CHAF1A: variants seen among roughly 807,000 people sequenced by gnomAD.
CHAF1A encodes chromatin assembly factor 1 subunit A.
In CHAF1A, 5 loss-of-function variants were observed where a neutral mutation model predicts 93.2. The ratio of observed to expected loss-of-function variants is 0.05; its 90% CI spans 0.03 to 0.11. The LOEUF is 0.11. Ranked by LOEUF, CHAF1A falls within the 10% of genes least tolerant of loss-of-function variation. The probability of loss-of-function intolerance (pLI) is 1.00; values close to 1 mark genes in which losing one functional copy is unlikely to be tolerated. For missense variants in CHAF1A, 1,102 were observed against 1,259.9 expected (o/e 0.87, Z 1.90); for synonymous variants, 504 against 510.3 (o/e 0.99, Z 0.17).
chr19:4,402,898 C>A, intron 1 of CHAF1A, 84 bp downstream of exon 1: 1 of 843,484 alleles, frequency 1.2e-6, no homozygotes, highest in Non-Finnish European at 1.6e-6. Flanking sequence ...GGCGGACGGG[C>A]CTCCGGGCGC....
rs1047985544 is a variant in CHAF1A at position 4,429,439 on chromosome 19, G to T, written c.1606G>T (p.Asp536Tyr). The T allele has an allele frequency of 1.9e-6, 3 of 1,613,536 alleles. No homozygotes were observed. Among genetic ancestry groups the T allele is most frequent in the Non-Finnish European group, 2.5e-6 (3 of 1,179,852 alleles). The change falls in exon 9 of 15, where the codon GAT becomes TAT. Residue 536 changes from aspartate to tyrosine, a missense_variant and splice_region_variant. Around this residue, in one of 6 missense-constraint regions of CHAF1A, gnomAD observed 335 missense variants for 361.9 expected, o/e 0.93. Coordinates refer to ENST00000301280, the MANE Select transcript of CHAF1A (RefSeq NM_005483.3). ...TGAGCCTGGGGTTTTCCTTCTCAGT[G>T]ATGTCGTCATCGTGGAGCGTGGGAA... ...STRNADIFNS[D>Y]VVIVERGKGD...
At chr19:4,410,129 G>T (rs1204647614) in intron 3 of CHAF1A, among the ~76,000 whole-genome samples, 3 of 152,128 alleles carry the variant, frequency 2.0e-5, no homozygotes, top group African/African-American at 7.2e-5. Flanking sequence ...TGCCCTTCCT[G>T]TCTAAGCATA....
chr19:4,446,773 G>A (rs552428226), downstream of CHAF1A: 86 of 1,612,558 alleles, frequency 5.3e-5, no homozygotes, highest in South Asian at 4.0e-4. Context: ...CCCCCAAGCC[G>A]GGCCCTCCTG....
intron 10 of CHAF1A, 29 bp from the exon 11 acceptor site, chr19:4,430,520 A>T: frequency 6.7e-7 from 1 of 1,482,208 alleles, no homozygotes; most frequent in Non-Finnish European, 9.4e-7. Flanking sequence ...TTTCTATCTG[A>T]TGAACTCTTT....
In CHAF1A at chr19:4,429,616, C is replaced by T; in HGVS notation, c.1773+10C>T. The T allele has an allele frequency of 2.5e-6, 4 of 1,614,100 alleles. No homozygotes were observed. The highest frequency in any genetic ancestry group is 3.4e-6 in the Non-Finnish European group (4 of 1,179,992). ...CTGGGCCCAGGACACGGTGAGCTAG[C>T]CCCAGAGTGCCTCCGTCCCCGTACC... On this transcript the variant is annotated intron_variant, in intron 9 of 14. Coordinates refer to ENST00000301280, the MANE Select transcript of CHAF1A (RefSeq NM_005483.3).
the CHAF1A span, chr19:4,450,785 A>C: frequency 6.8e-6 from 1 of 145,988 alleles, no homozygotes; most frequent in African/African-American, 2.5e-5. Context: ...AAAAAAAAAA[A>C]AGAGTGCCTA....
At position 4,402,717 on chromosome 19, in the gene CHAF1A, C is replaced by T. The variant is rs1282277943; in HGVS notation, c.-46C>T. On this transcript the variant is annotated 5_prime_UTR_variant, in exon 1 of 15. Transcript: ENST00000301280. ...AAGAGCAGCGGCCGCCTGAGGGGAG[C>T]CCGCGCCTCCGCCGCCTGAGAGGAG... 2.6e-6 allele frequency: 3 copies of T among 1,167,216 alleles called. No homozygotes were observed. The African/African-American group carries it at 4.8e-5, about 19-fold the overall frequency. The allele number at this position is 1,167,216 out of a possible 1,614,324, so 72.3% of individuals were successfully genotyped here.
At chr19:4,434,789 C>T (rs947449809) in intron 13 of CHAF1A, among the ~76,000 whole-genome samples, 19 of 152,170 alleles carry the variant, frequency 1.2e-4, no homozygotes, top group African/African-American at 4.1e-4. Context: ...TCTGATCGGT[C>T]TCTCAGACAC....
chr19:4,448,435 G>A (rs1246078042), downstream of CHAF1A: 1 of 1,589,700 alleles, frequency 6.3e-7, no homozygotes, highest in Admixed American at 1.8e-5. Context: ...GGGAAGCAGG[G>A]AAAGCCACTC....
rs66491258 is a variant in CHAF1A at position 4,411,644 on chromosome 19, C to CTTTTTTTTTTTTTTTTTTTTTTTTT, written c.960+1906_960+1907insTTTTTTTTTTTTTTTTTTTTTTTTT. On this transcript the variant is annotated intron_variant, in intron 3 of 14. Transcript: ENST00000301280. ...GAAATGTTGTAAAAATGGTGCAAAT[C>CTTTTTTTTTTTTTTTTTTTTTTTTT]TTTTTTTTTTTTTTTTTTTTTGAGA... is the stretch of plus-strand genomic sequence containing the variant. Among the ~76,000 whole-genome samples, 170 of 48,174 alleles carry CTTTTTTTTTTTTTTTTTTTTTTTTT rather than the reference C, an allele frequency of 3.5e-3. 53 individuals carry two copies. The highest frequency in any genetic ancestry group is 5.5e-3 in the South Asian group (7 of 1,268). The allele number at this position is 48,174 out of a possible 152,430, so 31.6% of individuals were successfully genotyped here.
intron 13 of CHAF1A, among the ~76,000 whole-genome samples, chr19:4,441,028 T>C (rs953128755): frequency 1.5e-5 from 2 of 136,294 alleles, no homozygotes; most frequent in African/African-American, 5.6e-5. Flanking sequence ...ACAGCAAAAA[T>C]ATCGTTGCGG....
downstream of CHAF1A, chr19:4,445,844 G>A: frequency 9.5e-7 from 1 of 1,048,698 alleles, no homozygotes; most frequent in South Asian, 1.6e-5. Flanking sequence ...GCTCCCATTT[G>A]ATGGGGAAAC....
chr19:4,439,049 G>A (rs553805371), intron 13 of CHAF1A, among the ~76,000 whole-genome samples: 8 of 151,992 alleles, frequency 5.3e-5, no homozygotes, highest in African/African-American at 1.9e-4. Context: ...AGGAGACCGA[G>A]GCAGGCGGAT....
chr19:4,427,825 C>T lies in CHAF1A; in HGVS notation c.1378-839C>T, dbSNP rs547155663. On this transcript the variant is annotated intron_variant, in intron 7 of 14. Coordinates refer to ENST00000301280, the MANE Select transcript of CHAF1A (RefSeq NM_005483.3). ...CTGGTCTCGAACTCCTGAGCTCAGACAATCCACCCGCCTCGGCCTCCCAAA... is the reference window on the plus strand; with the variant it reads ...CTGGTCTCGAACTCCTGAGCTCAGATAATCCACCCGCCTCGGCCTCCCAAA... 1.4e-4 allele frequency among the ~76,000 whole-genome samples: 22 copies of T among 151,836 alleles called. No individual in the cohort carries two copies. In the South Asian group the frequency reaches 4.0e-3, roughly 27 times the overall value.
chr19:4,411,200 C>T (rs915910477), intron 3 of CHAF1A, among the ~76,000 whole-genome samples: 9 of 152,030 alleles, frequency 5.9e-5, no homozygotes, highest in African/African-American at 1.7e-4. Context: ...CAACCTTGTT[C>T]GCTTTCGGGA....
chr19:4,440,477 C>T (rs565156279), intron 13 of CHAF1A, among the ~76,000 whole-genome samples: 19 of 151,596 alleles, frequency 1.3e-4, no homozygotes, highest in African/African-American at 2.7e-4. Flanking sequence ...GGCGTGATGG[C>T]GGGTGCCTGT....
At chr19:4,437,255 TG>T (rs967052982) in intron 13 of CHAF1A, among the ~76,000 whole-genome samples, 4 of 152,026 alleles carry the variant, frequency 2.6e-5, no homozygotes, top group African/African-American at 9.7e-5. Flanking sequence ...TCTGGTCCTG[TG>T]TTTTTTTTCA....
intron 7 of CHAF1A, 22 bp downstream of exon 7, chr19:4,423,896 CT>C: frequency 6.2e-7 from 1 of 1,611,082 alleles, no homozygotes; most frequent in Non-Finnish European, 8.5e-7. Flanking sequence ...GCTGCCTTTG[CT>C]TTTGGGTTTC....
intron 1 of CHAF1A, 28 bp downstream of exon 1, chr19:4,402,842 G>T (rs922425201): frequency 1.2e-5 from 14 of 1,187,066 alleles, no homozygotes; most frequent in Non-Finnish European, 1.5e-5. Flanking sequence ...CCGAGGGGAA[G>T]GGGGGGCGCG....
Sources: allele counts gnomAD v4.1 joint callset (sites outside exome capture counted in the v4.1 genomes callset), GRCh38; gene constraint gnomAD v4.1.1; regional missense constraint gnomAD v4.1.1; transcripts MANE v1.5; gene names NCBI Gene and HGNC (gene_info 2026-07-23, HGNC 2026-07-21).